SLC16A9: variants seen among roughly 807,000 people sequenced by gnomAD.
SLC16A9 encodes monocarboxylate transporter 9.
Under a neutral mutation model 44.3 loss-of-function variants are expected in SLC16A9, and 26 were observed. That is an observed-to-expected ratio of 0.59 (90% CI 0.43 to 0.81). The LOEUF is 0.81. Ranked by LOEUF, SLC16A9 falls within the 40% of genes least tolerant of loss-of-function variation. The pLI, the probability that SLC16A9 is intolerant of heterozygous loss-of-function variation, is 0.00. For synonymous variants in SLC16A9, 230 were observed against 225.1 expected, an observed-to-expected ratio of 1.02 and a Z score of -0.19; for missense variants, 559 against 595.8, an observed-to-expected ratio of 0.94 and a Z score of 0.64.
At chr10:59,691,236 T>G (rs1840245751) in intron 1 of SLC16A9, among the ~76,000 whole-genome samples, 1 of 152,166 alleles carries the variant, frequency 6.6e-6, no homozygotes. Context: ...ATAGATATTG[T>G]ACTACATTCT....
chr10:59,673,010 G>A, intron 2 of SLC16A9, 97 bp from the exon 3 acceptor site: 4 of 1,169,466 alleles, frequency 3.4e-6, no homozygotes, highest in Non-Finnish European at 4.8e-6. Flanking sequence ...AAAATAAAAT[G>A]CACTGAGTAT....
chr10:59,670,881 A>G (rs1376622943), intron 3 of SLC16A9, among the ~76,000 whole-genome samples: 2 of 152,218 alleles, frequency 1.3e-5, no homozygotes, highest in Non-Finnish European at 2.9e-5. Context: ...AAAACTGTGA[A>G]GAAATCAACC....
At chr10:59,653,046 T>G in intron 5 of SLC16A9, 96 bp from the exon 6 acceptor site, 1 of 836,674 alleles carries the variant, frequency 1.2e-6, no homozygotes, top group Non-Finnish European at 1.8e-6. Context: ...TAGTTATAAT[T>G]AGTATATATA....
intron 1 of SLC16A9, among the ~76,000 whole-genome samples, chr10:59,700,626 A>T (rs1391045666): frequency 1.3e-5 from 2 of 152,176 alleles, no homozygotes; most frequent in Non-Finnish European, 2.9e-5. Context: ...TAAAGTAACT[A>T]TTTAGTAAGT....
At chr10:59,666,579 C>T (rs1839623621) in intron 3 of SLC16A9, among the ~76,000 whole-genome samples, 1 of 152,130 alleles carries the variant, frequency 6.6e-6, no homozygotes, top group Non-Finnish European at 1.5e-5. Flanking sequence ...AGGAACTAGA[C>T]ACTTCATAGG....
intron 1 of SLC16A9, among the ~76,000 whole-genome samples, chr10:59,698,778 C>A (rs1330057972): frequency 1.3e-5 from 2 of 151,540 alleles, no homozygotes; most frequent in Non-Finnish European, 2.9e-5. Context: ...ACTCTTGTCA[C>A]CCAGGCTGGA....
At chr10:59,706,365 T>C (rs1589003357) in intron 1 of SLC16A9, among the ~76,000 whole-genome samples, 1 of 152,286 alleles carries the variant, frequency 6.6e-6, no homozygotes, top group South Asian at 2.1e-4. Flanking sequence ...TCAAAATACA[T>C]ACATTTTTGC....
chr10:59,682,439 G>A lies in SLC16A9; in HGVS notation c.196+1657C>T, dbSNP rs189825698. Among the ~76,000 whole-genome samples, 83 of 151,462 alleles carry A rather than the reference G, an allele frequency of 5.5e-4. 2 individuals are homozygous for A. The highest frequency in any genetic ancestry group is 1.9e-3 in the African/African-American group (80 of 41,238). On this transcript the variant is annotated intron_variant, in intron 2 of 5. Transcript: ENST00000395348. ...CCTAGAAACTTGGAAAACGTGTAGA[G>A]CTGCAGTTGAATTGTCAAAAACAGT...
intron 1 of SLC16A9, among the ~76,000 whole-genome samples, chr10:59,708,445 G>A (rs1424820745): frequency 1.3e-5 from 2 of 152,158 alleles, no homozygotes; most frequent in Non-Finnish European, 2.9e-5. Flanking sequence ...AGGGCATACC[G>A]ATTTACAGAA....
intron 1 of SLC16A9, among the ~76,000 whole-genome samples, chr10:59,691,961 GAC>G (rs1293243535): frequency 6.6e-6 from 1 of 152,186 alleles, no homozygotes; most frequent in East Asian, 1.9e-4. Flanking sequence ...ATTTTCAGCT[GAC>G]AGTTTCCTGT....
chr10:59,689,834 G>C (rs929644081), intron 1 of SLC16A9, among the ~76,000 whole-genome samples: 1 of 152,134 alleles, frequency 6.6e-6, no homozygotes, highest in African/African-American at 2.4e-5. Context: ...GATGACCATA[G>C]AATATAAGAA....
intron 4 of SLC16A9, among the ~76,000 whole-genome samples, chr10:59,662,077 A>G (rs1221211825): frequency 6.6e-6 from 1 of 152,212 alleles, no homozygotes; most frequent in Non-Finnish European, 1.5e-5. Context: ...AGGCACGGGC[A>G]AAGACTTCAT....
chr10:59,685,409 T>G (rs1840109788), intron 1 of SLC16A9, among the ~76,000 whole-genome samples: 3 of 152,212 alleles, frequency 2.0e-5, no homozygotes, highest in African/African-American at 7.2e-5. Flanking sequence ...TGCATCTTGT[T>G]TCTTGTATAG....
chr10:59,696,948 C>G (rs1370473648), intron 1 of SLC16A9, among the ~76,000 whole-genome samples: 60 of 143,504 alleles, frequency 4.2e-4, no homozygotes, highest in African/African-American at 1.5e-3. Context: ...GTCAGCCCCC[C>G]GCCCGGCCAG....
intron 1 of SLC16A9, among the ~76,000 whole-genome samples, chr10:59,687,456 T>C (rs1407434278): frequency 1.3e-5 from 2 of 152,240 alleles, no homozygotes. Context: ...AGGAAGATGG[T>C]CATACAATTT....
intron 3 of SLC16A9, among the ~76,000 whole-genome samples, chr10:59,666,639 C>T (rs1481641180): frequency 1.3e-5 from 2 of 152,162 alleles, no homozygotes; most frequent in Non-Finnish European, 2.9e-5. Context: ...GTTTTCAATG[C>T]TTCACCTGAA....
chr10:59,697,170 C>G (rs1403058469), intron 1 of SLC16A9, among the ~76,000 whole-genome samples: 1 of 143,574 alleles, frequency 7.0e-6, no homozygotes, highest in African/African-American at 2.6e-5. Context: ...CGCCTCTGCC[C>G]GGCCGCCCCT....
chr10:59,670,167 G>A (rs1247925211), intron 3 of SLC16A9, among the ~76,000 whole-genome samples: 1 of 152,132 alleles, frequency 6.6e-6, no homozygotes, highest in African/African-American at 2.4e-5. Flanking sequence ...GTATGGGTCA[G>A]AAAGGAATTT....
At chr10:59,690,404 T>C (rs1376154723) in intron 1 of SLC16A9, among the ~76,000 whole-genome samples, 1 of 152,028 alleles carries the variant, frequency 6.6e-6, no homozygotes, top group Non-Finnish European at 1.5e-5. Flanking sequence ...ACGTACACGA[T>C]TGGGTGCCAT....
Sources: allele counts gnomAD v4.1 joint callset (sites outside exome capture counted in the v4.1 genomes callset), GRCh38; gene constraint gnomAD v4.1.1; transcripts MANE v1.5; gene names NCBI Gene and HGNC (gene_info 2026-07-23, HGNC 2026-07-21).